VWA8: variants seen among roughly 807,000 people sequenced by gnomAD.
VWA8 encodes the protein von Willebrand factor A domain containing 8.
VWA8 carries 221 observed loss-of-function variants against 241.5 expected under a neutral mutation model. The observed-to-expected ratio is 0.91, with a 90% CI of 0.82 to 1.02. The LOEUF is 1.02. Ranked by LOEUF, VWA8 falls within the 50% of genes least tolerant of loss-of-function variation. The pLI is 0.00. For synonymous variants in VWA8, 852 were observed against 827.1 expected, an observed-to-expected ratio of 1.03 and a Z score of -0.52; for missense variants, 2,322 against 2,328.7, an observed-to-expected ratio of 1.00 and a Z score of 0.06.
At chr13:41,761,642 T>C (rs921253478) in intron 20 of VWA8, among the ~76,000 whole-genome samples, 2 of 152,126 alleles carry the variant, frequency 1.3e-5, no homozygotes, top group Non-Finnish European at 2.9e-5. Flanking sequence ...AATATAATAC[T>C]GTATTTTTTC....
intron 21 of VWA8, among the ~76,000 whole-genome samples, chr13:41,744,303 C>A (rs2045588393): frequency 6.6e-6 from 1 of 152,178 alleles, no homozygotes; most frequent in African/African-American, 2.4e-5. Flanking sequence ...GCTAGGGAAC[C>A]CAACCTAAGA....
intron 2 of VWA8, among the ~76,000 whole-genome samples, chr13:41,922,350 A>T (rs970372084): frequency 3.3e-5 from 5 of 152,230 alleles, no homozygotes; most frequent in African/African-American, 9.6e-5. Context: ...AACCTAGGCA[A>T]TACCATTCAG....
chr13:41,749,521 G>C (rs1244239314), intron 21 of VWA8, among the ~76,000 whole-genome samples: 4 of 152,096 alleles, frequency 2.6e-5, no homozygotes, highest in Admixed American at 1.3e-4. Context: ...ACCCAAAGTA[G>C]TATAAATCAT....
In VWA8 at chr13:41,727,192, A is replaced by T; in HGVS notation, c.2758+2T>A. The T allele has an allele frequency of 1.9e-6, 3 of 1,540,014 alleles. No homozygotes were observed. Among genetic ancestry groups the T allele is most frequent in the Non-Finnish European group, 2.6e-6 (3 of 1,142,562 alleles). On this transcript the variant is annotated splice_donor_variant, in intron 24 of 44. Coordinates refer to ENST00000379310, the MANE Select transcript of VWA8 (RefSeq NM_015058.2). LOFTEE classifies it high-confidence loss of function. ...TATTGTTATTATCATTACTGTTTTT[A>T]CCTAAGGTACCGAAGAAATCATTGC... is the stretch of plus-strand genomic sequence containing the variant.
chr13:41,850,690 T>TG (rs1332975237), intron 12 of VWA8, among the ~76,000 whole-genome samples: 1 of 151,974 alleles, frequency 6.6e-6, no homozygotes, highest in Non-Finnish European at 1.5e-5. Context: ...AATGTCTGGC[T>TG]GGGTTGGCTG....
At chr13:41,867,608 C>T (rs1264996679) in intron 10 of VWA8, among the ~76,000 whole-genome samples, 4 of 152,166 alleles carry the variant, frequency 2.6e-5, no homozygotes, top group Admixed American at 6.5e-5. Context: ...AAATAGTACA[C>T]AGTAAACTCA....
chr13:41,675,200 G>A lies in VWA8; in HGVS notation c.4409+15C>T, dbSNP rs772984162. The stretch of plus-strand genomic sequence containing the variant: ...TATGACATACTAAGCTAAGAACAAA[G>A]GTGAAATGGATTACCTGGGAATAGG... On this transcript the variant is annotated intron_variant, in intron 36 of 44. Coordinates refer to ENST00000379310, the MANE Select transcript of VWA8 (RefSeq NM_015058.2). The A allele has an allele frequency of 3.1e-6, 5 of 1,591,348 alleles. No homozygotes were observed. Among genetic ancestry groups the A allele is most frequent in the East Asian group, 2.2e-5 (1 of 44,532 alleles).
chr13:41,803,067 T>C (rs1870027485), intron 17 of VWA8, among the ~76,000 whole-genome samples: 1 of 152,230 alleles, frequency 6.6e-6, no homozygotes, highest in Non-Finnish European at 1.5e-5. Flanking sequence ...ACCAATGTGG[T>C]ATCTCTATGA....
At chr13:41,831,725 T>C (rs1871471190) in intron 13 of VWA8, among the ~76,000 whole-genome samples, 1 of 149,602 alleles carries the variant, frequency 6.7e-6, no homozygotes, top group Non-Finnish European at 1.5e-5. Flanking sequence ...GTTCAAGCTA[T>C]TCTCCTGCCT....
intron 5 of VWA8, 66 bp downstream of exon 5, chr13:41,891,354 C>T (rs7332372): frequency 0.86 from 1,363,425 of 1,585,474 alleles, 589,284 homozygotes; most frequent in East Asian, 1. Flanking sequence ...CCATGTCTTA[C>T]ACAATAAAAT....
intron 10 of VWA8, among the ~76,000 whole-genome samples, chr13:41,866,349 A>C (rs185656657): frequency 0.025 from 3,518 of 140,014 alleles, 53 homozygotes; most frequent in Non-Finnish European, 0.039. Flanking sequence ...ACTCTGTCCC[A>C]AAAAAAAAAA....
chr13:41,909,448 G>C (rs1027714559), intron 3 of VWA8, among the ~76,000 whole-genome samples: 1 of 152,198 alleles, frequency 6.6e-6, no homozygotes, highest in South Asian at 2.1e-4. Context: ...AAAAACAAAT[G>C]AATTGGCTGA....
At chr13:41,639,269 T>A (rs1381204476) in intron 37 of VWA8, among the ~76,000 whole-genome samples, 2 of 151,836 alleles carry the variant, frequency 1.3e-5, no homozygotes, top group African/African-American at 4.8e-5. Flanking sequence ...GCTAGATAGA[T>A]GTGAAAAAAA....
chr13:41,927,426 C>A, intron 2 of VWA8: 1 of 414,920 alleles, frequency 2.4e-6, no homozygotes, highest in South Asian at 2.0e-5. Flanking sequence ...CAAGGGAATT[C>A]TTGTGTGTTG....
At chr13:41,581,238 G>A (rs2044381461) in intron 42 of VWA8, among the ~76,000 whole-genome samples, 2 of 77,118 alleles carry the variant, frequency 2.6e-5, no homozygotes, top group African/African-American at 1.3e-4. Context: ...TCCTGACCTC[G>A]TGATCCGCCC....
chr13:41,622,907 A>G (rs2044666277), intron 37 of VWA8, among the ~76,000 whole-genome samples: 1 of 152,226 alleles, frequency 6.6e-6, no homozygotes, highest in Non-Finnish European at 1.5e-5. Context: ...TAGTGTGGCA[A>G]AGCAGACATT....
At chr13:41,769,572 A>G (rs926217653) in intron 20 of VWA8, among the ~76,000 whole-genome samples, 3 of 152,204 alleles carry the variant, frequency 2.0e-5, no homozygotes, top group African/African-American at 7.2e-5. Flanking sequence ...GGCCTATTAT[A>G]AGCACTTAAC....
At chr13:41,828,866 G>A (rs1048713330) in intron 14 of VWA8, among the ~76,000 whole-genome samples, 3 of 151,340 alleles carry the variant, frequency 2.0e-5, no homozygotes, top group Non-Finnish European at 4.4e-5. Context: ...TTTTATAGCC[G>A]TTTTTATTTT....
intron 12 of VWA8, among the ~76,000 whole-genome samples, chr13:41,863,455 T>TACACACA (rs1566485517): frequency 4.9e-4 from 43 of 87,188 alleles, no homozygotes; most frequent in African/African-American, 1.5e-3. Context: ...ATATATATAT[T>TACACACA]CACACACACA....
Sources: allele counts gnomAD v4.1 joint callset (sites outside exome capture counted in the v4.1 genomes callset), GRCh38; gene constraint gnomAD v4.1.1; transcripts MANE v1.5; gene names NCBI Gene and HGNC (gene_info 2026-07-23, HGNC 2026-07-21).